CAMKMT: variants seen among roughly 807,000 people sequenced by gnomAD.
CAMKMT encodes CaM KMT.
Under a neutral mutation model 48.0 loss-of-function variants are expected in CAMKMT, and 53 were observed. That is an observed-to-expected ratio of 1.10 (90% CI 0.89 to 1.39). The LOEUF (loss-of-function observed/expected upper bound fraction) is 1.39, where lower values mean the gene tolerates loss of function less well. Among genes scored for constraint, CAMKMT ranks in the 40% most tolerant of loss-of-function variants. The pLI is 0.00. For synonymous variants in CAMKMT, 165 were observed against 152.3 expected (o/e 1.08, Z -0.61); for missense variants, 428 against 402.7 (o/e 1.06, Z -0.54).
At chr2:44,751,784 C>G (rs1680163729) in intron 8 of CAMKMT, among the ~76,000 whole-genome samples, 1 of 152,204 alleles carries the variant, frequency 6.6e-6, no homozygotes, top group Admixed American at 6.5e-5. Context: ...ATTTAATTGG[C>G]TTATGGTTCT....
At chr2:44,663,205 A>G (rs535131009) in intron 3 of CAMKMT, among the ~76,000 whole-genome samples, 9 of 152,308 alleles carry the variant, frequency 5.9e-5, no homozygotes, top group African/African-American at 2.2e-4. Context: ...AAGGTCCTTT[A>G]TAGTGTTTTT....
intron 3 of CAMKMT, among the ~76,000 whole-genome samples, chr2:44,495,072 A>G (rs1349430502): frequency 1.3e-5 from 2 of 152,230 alleles, no homozygotes; most frequent in African/African-American, 4.8e-5. Flanking sequence ...AATAAGCAGT[A>G]TATTTAGGTT....
intron 3 of CAMKMT, among the ~76,000 whole-genome samples, chr2:44,523,468 A>G (rs945537839): frequency 6.6e-6 from 1 of 151,356 alleles, no homozygotes; most frequent in Non-Finnish European, 1.5e-5. Flanking sequence ...AATTTTTTGC[A>G]TTTTTTTGTA....
At chr2:44,640,398 A>G (rs1198314618) in intron 3 of CAMKMT, among the ~76,000 whole-genome samples, 1 of 152,188 alleles carries the variant, frequency 6.6e-6, no homozygotes, top group Non-Finnish European at 1.5e-5. Flanking sequence ...CTCCAGGTGC[A>G]AAACATAGGA....
At position 44,515,720 on chromosome 2, in the gene CAMKMT, C is replaced by T. The variant is rs969812894; in HGVS notation, c.376+125415C>T. The stretch of plus-strand genomic sequence containing the variant: ...ACATGTTGAAATTTGTAGTAGACAG[C>T]TGGGAGGAACTAATGGAAGCTTAGG... On this transcript the variant is annotated intron_variant, in intron 3 of 10. Coordinates refer to ENST00000378494, the MANE Select transcript of CAMKMT (RefSeq NM_024766.5). Among the ~76,000 whole-genome samples the T allele has an allele frequency of 8.5e-5, 13 of 152,282 alleles. No homozygotes were observed. In the South Asian group the frequency reaches 2.5e-3, roughly 29 times the overall value.
chr2:44,537,718 C>A (rs1241169230), intron 3 of CAMKMT, among the ~76,000 whole-genome samples: 2 of 152,182 alleles, frequency 1.3e-5, no homozygotes, highest in Non-Finnish European at 2.9e-5. Flanking sequence ...CATGTGCCAA[C>A]ACGGTCAGCT....
At chr2:44,686,670 A>C (rs1461228306) in intron 3 of CAMKMT, among the ~76,000 whole-genome samples, 1 of 152,182 alleles carries the variant, frequency 6.6e-6, no homozygotes, top group Non-Finnish European at 1.5e-5. Context: ...CCTCAGTGCT[A>C]CATTTATGGG....
chr2:44,387,799 G>T (rs1173475208), intron 2 of CAMKMT, among the ~76,000 whole-genome samples: 1 of 152,076 alleles, frequency 6.6e-6, no homozygotes, highest in Non-Finnish European at 1.5e-5. Flanking sequence ...CTTATATGAT[G>T]CCTTGTTTCA....
intron 3 of CAMKMT, among the ~76,000 whole-genome samples, chr2:44,654,118 A>G (rs1397343213): frequency 6.6e-6 from 1 of 152,190 alleles, no homozygotes; most frequent in Admixed American, 6.5e-5. Flanking sequence ...TACCAATGAA[A>G]TGTCCATTGA....
intron 3 of CAMKMT, among the ~76,000 whole-genome samples, chr2:44,675,326 G>T (rs1281242288): frequency 2.0e-5 from 3 of 152,098 alleles, no homozygotes; most frequent in Non-Finnish European, 2.9e-5. Context: ...GTCAGATTCC[G>T]GAATCTTTAT....
chr2:44,698,335 A>G (rs57237277), intron 3 of CAMKMT, among the ~76,000 whole-genome samples: 9,079 of 152,306 alleles, frequency 0.06, 841 homozygotes, highest in African/African-American at 0.21. Flanking sequence ...TTTCATATAA[A>G]TAAAAACATA....
At chr2:44,391,441 G>C (rs369939724) in intron 3 of CAMKMT, among the ~76,000 whole-genome samples, 1 of 151,956 alleles carries the variant, frequency 6.6e-6, no homozygotes, top group Non-Finnish European at 1.5e-5. Flanking sequence ...TTGGCATTTA[G>C]TGAATTCTCT....
chr2:44,762,697 T>C (rs930749595), intron 9 of CAMKMT, among the ~76,000 whole-genome samples: 1 of 152,194 alleles, frequency 6.6e-6, no homozygotes, highest in Non-Finnish European at 1.5e-5. Flanking sequence ...TACCAATTTT[T>C]TCCAGAAGTA....
chr2:44,524,210 G>A (rs1180182210), intron 3 of CAMKMT, among the ~76,000 whole-genome samples: 4 of 152,166 alleles, frequency 2.6e-5, no homozygotes, highest in Admixed American at 2.6e-4. Context: ...AGATTTAAGG[G>A]ATGGGGACAT....
At chr2:44,378,460 A>C (rs944607258) in intron 2 of CAMKMT, among the ~76,000 whole-genome samples, 1 of 139,470 alleles carries the variant, frequency 7.2e-6, no homozygotes, top group African/African-American at 2.7e-5. Context: ...ACTCCAAAGC[A>C]TCTAGAATTA....
At chr2:44,382,614 G>A (rs905506760) in intron 2 of CAMKMT, among the ~76,000 whole-genome samples, 1 of 151,992 alleles carries the variant, frequency 6.6e-6, no homozygotes, top group African/African-American at 2.4e-5. Context: ...GAGTAGCTGG[G>A]ACTACAGGTG....
chr2:44,704,814 A>T (rs1677461401), intron 4 of CAMKMT, among the ~76,000 whole-genome samples: 1 of 152,020 alleles, frequency 6.6e-6, no homozygotes, highest in African/African-American at 2.4e-5. Flanking sequence ...TTTTAAAGGT[A>T]GTTTTATATA....
At chr2:44,701,104 G>A (rs944077708) in intron 3 of CAMKMT, among the ~76,000 whole-genome samples, 15 of 152,166 alleles carry the variant, frequency 9.9e-5, no homozygotes, top group Admixed American at 9.2e-4. Flanking sequence ...ATGAGCATTC[G>A]TGTACAAGTT....
chr2:44,443,370 T>A (rs993914514), intron 3 of CAMKMT, among the ~76,000 whole-genome samples: 4 of 152,210 alleles, frequency 2.6e-5, no homozygotes, highest in Admixed American at 6.5e-5. Context: ...ACCATTTTTT[T>A]ATATTGAATA....
Sources: allele counts gnomAD v4.1 joint callset (sites outside exome capture counted in the v4.1 genomes callset), GRCh38; gene constraint gnomAD v4.1.1; transcripts MANE v1.5; gene names NCBI Gene and HGNC (gene_info 2026-07-23, HGNC 2026-07-21).